Variants in SV2B observed in about 807,000 individuals in gnomAD.
SV2B encodes synaptic vesicle glycoprotein 2B.
In SV2B, 41 loss-of-function variants were observed where a neutral mutation model predicts 73.9. That is an observed-to-expected ratio of 0.56 (90% CI 0.43 to 0.72). The LOEUF is 0.72. Among genes scored for constraint, SV2B ranks in the 30% least tolerant of loss-of-function variants. The probability of loss-of-function intolerance (pLI) is 0.00; values close to 1 mark genes in which losing one functional copy is unlikely to be tolerated. For missense variants in SV2B, 764 were observed against 857.8 expected (o/e 0.89, Z 1.37); for synonymous variants, 314 against 314.2 (o/e 1.00, Z 0.01).
rs1264779673 is a variant in SV2B at position 91,289,768 on chromosome 15, T to C, written c.1868+88T>C. The C allele has an allele frequency of 3.6e-6, 5 of 1,385,640 alleles. No individual in the cohort carries two copies. The highest frequency in any genetic ancestry group is 4.9e-6 in the Non-Finnish European group (5 of 1,023,130). 85.8% of individuals were successfully genotyped at this position (1,385,640 alleles called of 1,614,324 possible). On this transcript the variant is annotated intron_variant, in intron 12 of 12. Transcript: ENST00000394232. This position sits in a 1 kb window ranked among gnomAD's most constrained non-coding sequence, Gnocchi z 4.9. ...TGCTCCCTAAATCTCATGCTGTGCA[T>C]GGCCATCGTGGTCTTTCTGCTGTTC...
At chr15:91,169,560 C>T (rs891788577) in intron 1 of SV2B, among the ~76,000 whole-genome samples, 3 of 152,084 alleles carry the variant, frequency 2.0e-5, no homozygotes, top group Non-Finnish European at 2.9e-5. Flanking sequence ...CATCTACTCG[C>T]TCGACAAGTA....
At chr15:91,157,620 TGCA>T (rs2043537043) in intron 1 of SV2B, among the ~76,000 whole-genome samples, 2 of 152,220 alleles carry the variant, frequency 1.3e-5, no homozygotes, top group African/African-American at 4.8e-5. Context: ...AACACTGTGA[TGCA>T]GATGCCATTA....
intron 9 of SV2B, among the ~76,000 whole-genome samples, chr15:91,277,675 T>C (rs1324982209): frequency 6.6e-6 from 1 of 152,258 alleles, no homozygotes; most frequent in African/African-American, 2.4e-5. Flanking sequence ...GATTTGAATG[T>C]ATTACTGTAT....
chr15:91,276,271 C>T (rs905723475), intron 9 of SV2B, among the ~76,000 whole-genome samples: 18 of 151,376 alleles, frequency 1.2e-4, no homozygotes, highest in Admixed American at 5.9e-4. Context: ...TTAGGTGTAC[C>T]GCCACCTCCT....
intron 6 of SV2B, among the ~76,000 whole-genome samples, chr15:91,262,722 A>G (rs903294248): frequency 1.3e-5 from 2 of 152,198 alleles, no homozygotes; most frequent in African/African-American, 4.8e-5. Context: ...GCAAACATTT[A>G]TTAAGAAGCA....
At chr15:91,246,607 G>T (rs182099842) in intron 2 of SV2B, among the ~76,000 whole-genome samples, 2 of 152,256 alleles carry the variant, frequency 1.3e-5, no homozygotes, top group Admixed American at 1.3e-4. Flanking sequence ...CATGGTGCCT[G>T]TCACTGCAGG....
intron 1 of SV2B, among the ~76,000 whole-genome samples, chr15:91,184,201 G>A (rs113736778): frequency 0.023 from 3,466 of 152,180 alleles, 82 homozygotes; most frequent in South Asian, 0.072. Context: ...AACCCTTGCA[G>A]CATAAAAGCA....
intron 2 of SV2B, among the ~76,000 whole-genome samples, chr15:91,237,273 C>G (rs767903284): frequency 3.3e-5 from 5 of 152,136 alleles, no homozygotes; most frequent in Non-Finnish European, 7.3e-5. Context: ...CTGGACAATT[C>G]CATGTTCTGA....
chr15:91,297,043 G>T lies in SV2B; in HGVS notation c.*4491G>T, dbSNP rs150083944. ...GGGCGCACGCTTCTTCTGCCTGATC[G>T]TTGGGCGCACGCTCCTTCTGCCTGA... On this transcript the variant is annotated 3_prime_UTR_variant, in exon 13 of 13. Coordinates refer to ENST00000394232, the MANE Select transcript of SV2B (RefSeq NM_001323032.3). The surrounding 1 kb of genome is among the most constrained non-coding windows in gnomAD (Gnocchi z 5.1). 1 of 140,008 alleles carries T rather than the reference G, an allele frequency of 7.1e-6. No individual in the cohort carries two copies. Among genetic ancestry groups the T allele is most frequent in the Non-Finnish European group, 1.5e-5 (1 of 65,710 alleles). 8.7% of individuals were successfully genotyped at this position (140,008 alleles called of 1,614,324 possible). A position where few individuals can be genotyped will look rare whatever the true frequency, so the allele number is the denominator to read the frequency against.
chr15:91,262,392 A>G (rs983480520), intron 6 of SV2B, among the ~76,000 whole-genome samples: 8 of 152,218 alleles, frequency 5.3e-5, no homozygotes, highest in Non-Finnish European at 1.0e-4. Flanking sequence ...AAATTCCTCA[A>G]TGGGATATTT....
intron 1 of SV2B, among the ~76,000 whole-genome samples, chr15:91,212,850 A>G (rs1238720497): frequency 2.0e-5 from 3 of 152,018 alleles, no homozygotes; most frequent in Non-Finnish European, 2.9e-5. Flanking sequence ...AAGTGACTTT[A>G]AAAAGAGAAG....
chr15:91,276,044 G>A (rs2048474613), intron 9 of SV2B, among the ~76,000 whole-genome samples: 1 of 148,138 alleles, frequency 6.8e-6, no homozygotes, highest in Non-Finnish European at 1.5e-5. Context: ...TTTTTGCTGG[G>A]TATAAAATCT....
At chr15:91,254,854 G>T (rs2141624311) in intron 4 of SV2B, among the ~76,000 whole-genome samples, 1 of 152,324 alleles carries the variant, frequency 6.6e-6, no homozygotes, top group Admixed American at 6.5e-5. Context: ...GAGGCTTTCT[G>T]TTTGCAGACT....
chr15:91,207,159 C>A (rs2045672532), intron 1 of SV2B, among the ~76,000 whole-genome samples: 1 of 150,496 alleles, frequency 6.6e-6, no homozygotes, highest in African/African-American at 2.4e-5. Flanking sequence ...ATAGCTGGGA[C>A]TACAGGCACA....
At chr15:91,144,415 A>ATT (rs149575627) in intron 1 of SV2B, among the ~76,000 whole-genome samples, 34 of 151,948 alleles carry the variant, frequency 2.2e-4, no homozygotes, top group Admixed American at 1.8e-3. Flanking sequence ...AACATTCATG[A>ATT]TTTTTTTTTA....
At position 91,179,561 on chromosome 15, in the gene SV2B, A is replaced by G. The variant is rs370728157; in HGVS notation, c.-391-46312A>G. Among the ~76,000 whole-genome samples, 89 of 152,218 alleles carry G rather than the reference A, an allele frequency of 5.8e-4. 2 individuals carry two copies. Among genetic ancestry groups the G allele is most frequent in the Non-Finnish European group, 9.3e-4 (63 of 68,010 alleles). ...TTGTAGTTCACTAAGGACTTGCTCTATGAATCTGGGTGCTCCTGTATTGGG... is the reference window on the plus strand; with the variant it reads ...TTGTAGTTCACTAAGGACTTGCTCTGTGAATCTGGGTGCTCCTGTATTGGG... On this transcript the variant is annotated intron_variant, in intron 1 of 12. Coordinates refer to ENST00000394232, the MANE Select transcript of SV2B (RefSeq NM_001323032.3).
chr15:91,187,170 C>T (rs1405521395), intron 1 of SV2B, among the ~76,000 whole-genome samples: 1 of 152,168 alleles, frequency 6.6e-6, no homozygotes, highest in African/African-American at 2.4e-5. Flanking sequence ...AGTTTATTGG[C>T]ATTACATTTT....
Position 91,141,939 on chromosome 15 carries a change from G to A in SV2B, c.-392+41576G>A, listed in dbSNP as rs2043009092. On this transcript the variant is annotated intron_variant, in intron 1 of 12. Coordinates refer to ENST00000394232, the MANE Select transcript of SV2B (RefSeq NM_001323032.3). The surrounding 1 kb of genome is among the most constrained non-coding windows in gnomAD (Gnocchi z 4.6). ...GATCCTCAGAGCAAGGATCCTCAGA[G>A]CTCCTGAGCAGAGGAATGGCACAAA... 6.6e-6 allele frequency among the ~76,000 whole-genome samples: 1 copy of A among 152,132 alleles called. No homozygotes were observed. The highest frequency in any genetic ancestry group is 2.1e-4 in the South Asian group (1 of 4,824).
At chr15:91,170,256 T>C (rs1046040051) in intron 1 of SV2B, among the ~76,000 whole-genome samples, 1 of 152,104 alleles carries the variant, frequency 6.6e-6, no homozygotes, top group African/African-American at 2.4e-5. Flanking sequence ...ACCTCCGCAG[T>C]CTTATTAGAG....
Sources: allele counts gnomAD v4.1 joint callset (sites outside exome capture counted in the v4.1 genomes callset), GRCh38; gene constraint gnomAD v4.1.1; non-coding constraint Gnocchi (gnomAD v3.1); transcripts MANE v1.5; gene names NCBI Gene and HGNC (gene_info 2026-07-23, HGNC 2026-07-21).